MAN1A2: variants seen among roughly 807,000 people sequenced by gnomAD.
MAN1A2 encodes mannosidase alpha class 1A member 2.
MAN1A2 carries 26 observed loss-of-function variants against 75.7 expected under a neutral mutation model. The ratio of observed to expected loss-of-function variants is 0.34; its 90% CI spans 0.25 to 0.48. The LOEUF (loss-of-function observed/expected upper bound fraction) is 0.48, where lower values mean the gene tolerates loss of function less well. Ranked by LOEUF, MAN1A2 falls within the 20% of genes least tolerant of loss-of-function variation. The pLI is 0.99. For missense variants in MAN1A2, 562 were observed against 775.5 expected, an observed-to-expected ratio of 0.72 and a Z score of 3.27; for synonymous variants, 247 against 264.6, an observed-to-expected ratio of 0.93 and a Z score of 0.65.
intron 9 of MAN1A2, chr1:117,494,568 A>T (rs898301266): frequency 6.6e-6 from 1 of 152,078 alleles, no homozygotes; most frequent in African/African-American, 2.4e-5. Flanking sequence ...TAAAAAATGC[A>T]CAGGAGTTGA....
At chr1:117,447,367 T>TA (rs1310999017) in intron 6 of MAN1A2, among the ~76,000 whole-genome samples, 3 of 152,132 alleles carry the variant, frequency 2.0e-5, no homozygotes, top group African/African-American at 7.2e-5. Flanking sequence ...AGTGAACTAT[T>TA]AGATTATTTC....
At chr1:117,447,627 A>G (rs1441978908) in intron 6 of MAN1A2, among the ~76,000 whole-genome samples, 1 of 152,190 alleles carries the variant, frequency 6.6e-6, no homozygotes, top group Non-Finnish European at 1.5e-5. Flanking sequence ...ACTTTTATTT[A>G]TCAGATAGAT....
At chr1:117,474,734 T>A (rs954933925) in intron 8 of MAN1A2, among the ~76,000 whole-genome samples, 2 of 151,978 alleles carry the variant, frequency 1.3e-5, no homozygotes, top group Non-Finnish European at 2.9e-5. Context: ...ATATTTAAAA[T>A]GTACAACTTG....
At chr1:117,502,830 T>G in intron 11 of MAN1A2, 25 bp from the exon 12 acceptor site, 1 of 1,226,808 alleles carries the variant, frequency 8.2e-7, no homozygotes, top group Non-Finnish European at 1.2e-6. Context: ...ACGGAATTGC[T>G]TATTTTGTCT....
chr1:117,411,964 T>G (rs1289947), intron 3 of MAN1A2, among the ~76,000 whole-genome samples: 118,214 of 151,590 alleles, frequency 0.78, 46,487 homozygotes, highest in African/African-American at 0.87. Context: ...TATTTCCTTG[T>G]TGCTCACAAA....
rs192575153 is a variant in MAN1A2 at position 117,473,250 on chromosome 1, T to A, written c.1168+6823T>A. On this transcript the variant is annotated intron_variant, in intron 8 of 12. Coordinates refer to ENST00000356554, the MANE Select transcript of MAN1A2 (RefSeq NM_006699.5). ...CATAAATCTTGTTGTCATCCTTTAC[T>A]TCTTTATCTCACACCCCACTCCAGT... Among the ~76,000 whole-genome samples the A allele has an allele frequency of 2.4e-3, 359 of 152,040 alleles. 5 individuals carry two copies. The highest frequency in any genetic ancestry group is 8.1e-3 in the African/African-American group (338 of 41,530).
chr1:117,368,246 G>A lies in MAN1A2; in HGVS notation c.63G>A (p.Pro21=). Reference sequence around the variant, plus strand: ...GGATACCACCTCTGAACCTGGGGCCGCCTTCCTTCCCACATCACAGGGCTA... The same window carrying A: ...GGATACCACCTCTGAACCTGGGGCCACCTTCCTTCCCACATCACAGGGCTA... ...GRRIPPLNLG[P]PSFPHHRATL... is the part of the protein sequence containing the mutation. The change falls in exon 1 of 13, where the codon CCG becomes CCA. Residue 21 remains proline (P), a synonymous_variant. Coordinates refer to ENST00000356554, the MANE Select transcript of MAN1A2 (RefSeq NM_006699.5). 3 of 1,614,098 alleles carry A rather than the reference G, an allele frequency of 1.9e-6. No homozygotes were observed. Among genetic ancestry groups the A allele is most frequent in the Non-Finnish European group, 2.5e-6 (3 of 1,180,008 alleles).
intron 2 of MAN1A2, among the ~76,000 whole-genome samples, chr1:117,405,140 C>T (rs757831833): frequency 1.1e-4 from 16 of 152,180 alleles, no homozygotes; most frequent in Non-Finnish European, 1.9e-4. Context: ...GCTGTAACAG[C>T]AGAGTTAGTT....
Position 117,527,570 on chromosome 1 carries a change from T to C in MAN1A2, c.*4613T>C, listed in dbSNP as rs558184933. ...GGAGTCTGTTCAGGTTTCAGGACGA[T>C]TGACTATAATGAAAGAGACAGAATA... On this transcript the variant is annotated 3_prime_UTR_variant, in exon 13 of 13. Coordinates refer to ENST00000356554, the MANE Select transcript of MAN1A2 (RefSeq NM_006699.5). 1 of 152,140 alleles carries C rather than the reference T, an allele frequency of 6.6e-6. No individual in the cohort carries two copies. Among genetic ancestry groups the C allele is most frequent in the African/African-American group, 2.4e-5 (1 of 41,542 alleles). The allele number at this position is 152,140 out of a possible 1,614,324, so 9.4% of individuals were successfully genotyped here. A position where few individuals can be genotyped will look rare whatever the true frequency, so the allele number is the denominator to read the frequency against.
intron 9 of MAN1A2, chr1:117,494,504 C>G (rs1183802640): frequency 6.6e-6 from 1 of 151,918 alleles, no homozygotes; most frequent in African/African-American, 2.4e-5. Flanking sequence ...AACCAAGAAT[C>G]TTATCCATTT....
intron 5 of MAN1A2, among the ~76,000 whole-genome samples, chr1:117,436,591 A>G (rs1648857949): frequency 6.6e-6 from 1 of 152,224 alleles, no homozygotes; most frequent in Non-Finnish European, 1.5e-5. Context: ...ACTGCTCTTT[A>G]TCCATATAAT....
At chr1:117,371,181 A>G (rs975334280) in intron 1 of MAN1A2, among the ~76,000 whole-genome samples, 1 of 152,204 alleles carries the variant, frequency 6.6e-6, no homozygotes, top group African/African-American at 2.4e-5. Flanking sequence ...TTCGGAATCT[A>G]CTTTCCTTTA....
intron 8 of MAN1A2, among the ~76,000 whole-genome samples, chr1:117,479,417 A>G (rs751738041): frequency 7.2e-5 from 11 of 151,856 alleles, no homozygotes; most frequent in Non-Finnish European, 1.5e-4. Flanking sequence ...AAGCTTGCAT[A>G]TATCTTCATA....
intron 8 of MAN1A2, among the ~76,000 whole-genome samples, chr1:117,478,946 C>T (rs1236692024): frequency 6.6e-6 from 1 of 151,138 alleles, no homozygotes; most frequent in African/African-American, 2.4e-5. Flanking sequence ...ATTTTAAATT[C>T]TGGGCTACAT....
At chr1:117,522,500 A>G (rs972041990) in intron 12 of MAN1A2, among the ~76,000 whole-genome samples, 10 of 151,908 alleles carry the variant, frequency 6.6e-5, no homozygotes, top group African/African-American at 2.2e-4. Context: ...AGCTAACATC[A>G]TATTGAAAAA....
intron 6 of MAN1A2, among the ~76,000 whole-genome samples, chr1:117,445,588 A>T (rs986963389): frequency 1.3e-5 from 2 of 151,858 alleles, no homozygotes; most frequent in African/African-American, 2.4e-5. Context: ...GTACAATGGC[A>T]CAATCACAGC....
At chr1:117,378,603 A>G (rs972640123) in intron 1 of MAN1A2, among the ~76,000 whole-genome samples, 2 of 151,728 alleles carry the variant, frequency 1.3e-5, no homozygotes, top group African/African-American at 2.4e-5. Context: ...ACTTAGAACT[A>G]TAGTTACTGG....
At chr1:117,489,527 G>T (rs747994897) in intron 8 of MAN1A2, among the ~76,000 whole-genome samples, 1 of 151,922 alleles carries the variant, frequency 6.6e-6, no homozygotes, top group Non-Finnish European at 1.5e-5. Context: ...TTATTTGTCA[G>T]GAGTCGTCGT....
chr1:117,393,682 G>A (rs1653808986), intron 1 of MAN1A2, among the ~76,000 whole-genome samples: 1 of 152,058 alleles, frequency 6.6e-6, no homozygotes, highest in South Asian at 2.1e-4. Context: ...ATTAAATGGA[G>A]CAATGGGGAG....
Sources: allele counts gnomAD v4.1 joint callset (sites outside exome capture counted in the v4.1 genomes callset), GRCh38; gene constraint gnomAD v4.1.1; transcripts MANE v1.5; gene names NCBI Gene and HGNC (gene_info 2026-07-23, HGNC 2026-07-21).